The following TBRG1 variants were observed in gnomAD, a reference collection of about 807,000 sequenced individuals.
The protein encoded by TBRG1 is nuclear interactor of ARF and MDM2.
In TBRG1, 31 loss-of-function variants were observed where a neutral mutation model predicts 44.0. The observed-to-expected ratio is 0.70, with a 90% confidence interval of 0.53 to 0.95. The LOEUF (loss-of-function observed/expected upper bound fraction) is 0.95, where lower values mean the gene tolerates loss of function less well. Ranked by LOEUF, TBRG1 falls within the 40% of genes least tolerant of loss-of-function variation. The probability of loss-of-function intolerance (pLI) is 0.00; values close to 1 mark genes in which losing one functional copy is unlikely to be tolerated. For missense variants in TBRG1, 487 were observed against 496.1 expected (o/e 0.98, Z 0.18); for synonymous variants, 171 against 188.1 (o/e 0.91, Z 0.74).
In TBRG1 at chr11:124,626,956, G is replaced by C. The variant is rs778381801; in HGVS notation, c.644G>C (p.Gly215Ala). 8.1e-6 allele frequency: 13 copies of C among 1,601,962 alleles called. No individual in the cohort carries two copies. The highest frequency in any genetic ancestry group is 9.4e-6 in the Non-Finnish European group (11 of 1,173,560). ...FHDESAIYPV[G>A]YCSTRIYASM... ...GATGAGAGTGCCATCTACCCCGTGG[G>C]CTATTGCAGTACTCGAATATATGCC... Residue 215 changes from glycine to alanine, a missense_variant, in exon 5 of 9, where the codon GGC becomes GCC. By Grantham distance (60) the Gly-to-Ala change is moderately conservative. Transcript: ENST00000441174.
At chr11:124,631,543 C>T in intron 8 of TBRG1, 126 bp downstream of exon 8, 1 of 1,071,104 alleles carries the variant, frequency 9.3e-7, no homozygotes, top group South Asian at 1.4e-5. Flanking sequence ...TTGAATCAGC[C>T]TTGCGGAGTG....
At chr11:124,627,916 C>G (rs937954656) in intron 5 of TBRG1, among the ~76,000 whole-genome samples, 52 of 151,614 alleles carry the variant, frequency 3.4e-4, no homozygotes, top group African/African-American at 1.2e-3. Context: ...CTCTGAAAAA[C>G]AAAATGCTAG....
chr11:124,622,865 C>CA lies in TBRG1; in HGVS notation c.-219_-218insA. ...GGACGTAACTTCCGGGAAGGGCTTA[C>CA]TTCCAAGACAGACACGGAAGTGCTG... On this transcript the variant is annotated 5_prime_UTR_variant, in exon 1 of 9. Coordinates refer to ENST00000441174, the MANE Select transcript of TBRG1 (RefSeq NM_032811.3). 1 of 548,162 alleles carries CA rather than the reference C, an allele frequency of 1.8e-6. No homozygotes were observed. The highest frequency in any genetic ancestry group is 3.5e-5 in the Admixed American group (1 of 28,284). 34.0% of individuals were successfully genotyped at this position (548,162 alleles called of 1,614,324 possible).
chr11:124,630,566 G>A (rs1942586239), intron 6 of TBRG1, 81 bp downstream of exon 6: 3 of 1,154,126 alleles, frequency 2.6e-6, no homozygotes, highest in African/African-American at 3.0e-5. Context: ...TTTAATGGGT[G>A]GAGATACTTT....
At chr11:124,626,822 G>C in intron 4 of TBRG1, 82 bp from the exon 5 acceptor site, 1 of 1,552,024 alleles carries the variant, frequency 6.4e-7, no homozygotes. Flanking sequence ...GCCCCAAAGT[G>C]GTTCTAAAGG....
intron 1 of TBRG1, among the ~76,000 whole-genome samples, chr11:124,623,940 C>G (rs1299431291): frequency 6.6e-6 from 1 of 152,220 alleles, no homozygotes; most frequent in Admixed American, 6.5e-5. Context: ...AATGTCCCCC[C>G]ACATCCAAGT....
At chr11:124,623,507 T>C (rs1030357993) in intron 1 of TBRG1, 48 of 504,428 alleles carry the variant, frequency 9.5e-5, no homozygotes, top group Admixed American at 6.0e-4. Flanking sequence ...TAAATTTTAG[T>C]CATCGTTGTT....
rs896154649 is a variant in TBRG1, at chr11:124,634,582, T to C, written c.*2344T>C. On this transcript the variant is annotated 3_prime_UTR_variant, in exon 9 of 9. Coordinates refer to ENST00000441174, the MANE Select transcript of TBRG1 (RefSeq NM_032811.3). The stretch of plus-strand genomic sequence containing the variant: ...CATGTTAAGAACCCTAAGAAATAAC[T>C]GGACGAGTGTGGTATGATGTTTGCA... 1 of 152,294 alleles carries C rather than the reference T, an allele frequency of 6.6e-6. No individual in the cohort carries two copies. Among genetic ancestry groups the C allele is most frequent in the East Asian group, 1.9e-4 (1 of 5,190 alleles). The allele number at this position is 152,294 out of a possible 1,614,324, so 9.4% of individuals were successfully genotyped here.
Position 124,632,338 on chromosome 11 carries a change from AAG to A in TBRG1, c.*102_*103del. 9.8e-7 allele frequency: 1 copy of A among 1,016,026 alleles called. No individual in the cohort carries two copies. Among genetic ancestry groups the A allele is most frequent in the South Asian group, 1.6e-5 (1 of 64,328 alleles). The allele number at this position is 1,016,026 out of a possible 1,614,324, so 62.9% of individuals were successfully genotyped here. A position where few individuals can be genotyped will look rare whatever the true frequency, so the allele number is the denominator to read the frequency against. On this transcript the variant is annotated 3_prime_UTR_variant, in exon 9 of 9. Transcript: ENST00000441174. ...AGAAGGCAGCAATTCAGAAGTAAAG[AAG>A]ATACTAACGTATTTCATCATGGAAG...
intron 5 of TBRG1, among the ~76,000 whole-genome samples, chr11:124,628,523 TAAAAAA>T (rs201184255): frequency 8.1e-6 from 1 of 123,350 alleles, no homozygotes; most frequent in Admixed American, 8.0e-5. Flanking sequence ...AAAGCAATAT[TAAAAAA>T]AAAAAAAAAA....
intron 4 of TBRG1, 117 bp from the exon 5 acceptor site, chr11:124,626,784 GTCT>G (rs1408451512): frequency 6.7e-7 from 1 of 1,494,056 alleles, no homozygotes; most frequent in Non-Finnish European, 9.1e-7. Context: ...CCTACTCTCT[GTCT>G]TTGTGTGATT....
chr11:124,631,512 A>C, intron 8 of TBRG1, 95 bp downstream of exon 8: 1 of 1,298,456 alleles, frequency 7.7e-7, no homozygotes, highest in Non-Finnish European at 1.1e-6. Flanking sequence ...ATATCTATGC[A>C]TTGAGTGATA....
At chr11:124,626,296 C>G (rs1267647284) in intron 3 of TBRG1, among the ~76,000 whole-genome samples, 177 bp from the exon 4 acceptor site, 12 of 152,218 alleles carry the variant, frequency 7.9e-5, no homozygotes, top group Admixed American at 7.9e-4. Flanking sequence ...CTCCTAAGCA[C>G]TAATCTGGGC....
chr11:124,623,033 T>C lies in TBRG1; in HGVS notation c.-51T>C. ...CCAGCGCTCCCGCCCGCTCCCCGAC[T>C]TAGGATCCGATGCCGGCAGCGTCCT... On this transcript the variant is annotated 5_prime_UTR_variant, in exon 1 of 9. Transcript: ENST00000441174. 6.7e-7 allele frequency: 1 copy of C among 1,488,888 alleles called. No homozygotes were observed. The highest frequency in any genetic ancestry group is 8.9e-7 in the Non-Finnish European group (1 of 1,121,230). The allele number at this position is 1,488,888 out of a possible 1,614,324, so 92.2% of individuals were successfully genotyped here.
chr11:124,624,203 T>C (rs1591371950), intron 1 of TBRG1, among the ~76,000 whole-genome samples: 1 of 152,206 alleles, frequency 6.6e-6, no homozygotes, highest in East Asian at 1.9e-4. Context: ...TTTATGTTAT[T>C]TCAAGGATAT....
rs1022416720 is a variant in TBRG1, at chr11:124,634,016, T to C, written c.*1778T>C. 2.6e-5 allele frequency: 4 copies of C among 152,240 alleles called. No homozygotes were observed. The highest frequency in any genetic ancestry group is 6.5e-5 in the Admixed American group (1 of 15,288). The allele number at this position is 152,240 out of a possible 1,614,324, so 9.4% of individuals were successfully genotyped here. On this transcript the variant is annotated 3_prime_UTR_variant, in exon 9 of 9. Transcript: ENST00000441174. Reference sequence around the variant, plus strand: ...ATATACATATACTTGTATGAAGATATGTGTAAAATGTTTTTACTATGGATC... The same window carrying C: ...ATATACATATACTTGTATGAAGATACGTGTAAAATGTTTTTACTATGGATC...
In TBRG1 at chr11:124,628,112, TATATACACACACACAC is replaced by T. The variant is rs1942523474; in HGVS notation, c.738+1064_738+1079del. On this transcript the variant is annotated intron_variant, in intron 5 of 8. Coordinates refer to ENST00000441174, the MANE Select transcript of TBRG1 (RefSeq NM_032811.3). ...ATATATATATATATATATATATATATATATACACACACACACACACACACACACACACACAGACTAA... is the reference window on the plus strand; with the variant it reads ...ATATATATATATATATATATATATATACACACACACACACACACAGACTAA... Among the ~76,000 whole-genome samples, 6 of 51,316 alleles carry T rather than the reference TATATACACACACACAC, an allele frequency of 1.2e-4. No individual in the cohort carries two copies. The South Asian group carries it at 1.6e-3, about 14-fold the overall frequency. 33.7% of individuals were successfully genotyped at this position (51,316 alleles called of 152,430 possible).
chr11:124,632,430 C>G lies in TBRG1; in HGVS notation c.*192C>G. 1 of 482,734 alleles carries G rather than the reference C, an allele frequency of 2.1e-6. No homozygotes were observed. The highest frequency in any genetic ancestry group is 3.7e-6 in the Non-Finnish European group (1 of 272,058). 29.9% of individuals were successfully genotyped at this position (482,734 alleles called of 1,614,324 possible). A position where few individuals can be genotyped will look rare whatever the true frequency, so the allele number is the denominator to read the frequency against. On this transcript the variant is annotated 3_prime_UTR_variant, in exon 9 of 9. Transcript: ENST00000441174. The stretch of plus-strand genomic sequence containing the variant: ...GCTTTATTTTTAGTAATAAATTTCT[C>G]TTGTCAATTCTGTTTACTTTCATCT...
In TBRG1 at chr11:124,625,799, G is replaced by A. The variant is rs777842047; in HGVS notation, c.350G>A (p.Gly117Glu). 3 of 1,582,006 alleles carry A rather than the reference G, an allele frequency of 1.9e-6. No individual in the cohort carries two copies. In the African/African-American group the frequency reaches 4.0e-5, roughly 21 times the overall value. Residue 117 changes from glycine (G) to glutamate (E), a missense_variant, in exon 3 of 9, where the codon GGA (glycine) becomes GAA (glutamate). By Grantham distance (98) the Gly-to-Glu change is moderately conservative. Transcript: ENST00000441174. The stretch of plus-strand genomic sequence containing the variant: ...GCCAGCTCTGTGGGAACTATACAGG[G>A]AGCTGGGCCTATTTCAGGGCCCAGC... ...GVASSVGTIQ[G>E]AGPISGPSTG... is the part of the protein sequence containing the mutation.
Sources: allele counts gnomAD v4.1 joint callset (sites outside exome capture counted in the v4.1 genomes callset), GRCh38; gene constraint gnomAD v4.1.1; transcripts MANE v1.5; gene names NCBI Gene and HGNC (gene_info 2026-07-23, HGNC 2026-07-21).